The following SNX29 variants were observed in gnomAD, a reference collection of about 807,000 sequenced individuals.
The protein encoded by SNX29 is sorting nexin 29, also known as sorting nexin-29.
A neutral mutation model predicts 102.1 loss-of-function variants in SNX29; 78 were observed. The ratio of observed to expected loss-of-function variants is 0.76; its 90% CI spans 0.64 to 0.92. The LOEUF (loss-of-function observed/expected upper bound fraction) is 0.92, where lower values mean the gene tolerates loss of function less well. SNX29 is among the 40% of genes least tolerant of loss of function. The probability of loss-of-function intolerance (pLI) is 0.00; values close to 1 mark genes in which losing one functional copy is unlikely to be tolerated. For missense variants in SNX29, 1,280 were observed against 1,061.7 expected (o/e 1.21, Z -2.86); for synonymous variants, 580 against 414.5 (o/e 1.40, Z -4.85).
intron 3 of SNX29, among the ~76,000 whole-genome samples, chr16:12,019,637 ATTT>A (rs879261297): frequency 7.3e-6 from 1 of 136,862 alleles, no homozygotes; most frequent in Non-Finnish European, 1.6e-5. Flanking sequence ...TAGATATATA[ATTT>A]TTTTTTTTTT....
chr16:12,047,738 A>G (rs1459729621), intron 6 of SNX29, among the ~76,000 whole-genome samples: 2 of 149,762 alleles, frequency 1.3e-5, no homozygotes, highest in Non-Finnish European at 1.5e-5. Flanking sequence ...GCTCACCACA[A>G]CCTCTGCCTC....
chr16:12,539,802 C>T (rs926672669), intron 20 of SNX29, among the ~76,000 whole-genome samples: 11 of 152,194 alleles, frequency 7.2e-5, no homozygotes, highest in Admixed American at 4.6e-4. Context: ...AGCATATTTT[C>T]ATGTGGATGT....
chr16:12,252,589 A>T (rs1289146485), intron 14 of SNX29, among the ~76,000 whole-genome samples: 2 of 152,218 alleles, frequency 1.3e-5, no homozygotes, highest in Non-Finnish European at 2.9e-5. Context: ...TGCCTCCCTG[A>T]ACGTGTGTGC....
At chr16:12,348,501 A>C (rs1054042828) in intron 15 of SNX29, among the ~76,000 whole-genome samples, 2 of 152,118 alleles carry the variant, frequency 1.3e-5, no homozygotes, top group Non-Finnish European at 2.9e-5. Flanking sequence ...GATGGCAGCC[A>C]TTCACTGTGG....
chr16:12,350,944 C>G (rs1428689610), intron 15 of SNX29, among the ~76,000 whole-genome samples: 1 of 152,198 alleles, frequency 6.6e-6, no homozygotes, highest in Non-Finnish European at 1.5e-5. Context: ...TCCCTCTACT[C>G]TGCAGTACAA....
At chr16:12,017,821 G>A (rs1320471912) in intron 3 of SNX29, among the ~76,000 whole-genome samples, 3 of 151,794 alleles carry the variant, frequency 2.0e-5, no homozygotes, top group African/African-American at 7.3e-5. Flanking sequence ...AGCCCATTCT[G>A]CCCATCTGAC....
chr16:12,431,483 T>C (rs544646521), intron 18 of SNX29, among the ~76,000 whole-genome samples: 5 of 151,756 alleles, frequency 3.3e-5, no homozygotes, highest in Admixed American at 6.6e-5. Flanking sequence ...ATTGAAGTTA[T>C]TGATCCACAG....
intron 19 of SNX29, among the ~76,000 whole-genome samples, chr16:12,496,116 G>T (rs1382062907): frequency 1.3e-5 from 2 of 152,220 alleles, no homozygotes; most frequent in African/African-American, 4.8e-5. Context: ...CAGCAGACAT[G>T]GAGACGTGGA....
intron 16 of SNX29, among the ~76,000 whole-genome samples, chr16:12,390,640 C>T (rs1010403643): frequency 3.3e-5 from 5 of 152,160 alleles, no homozygotes; most frequent in Admixed American, 6.5e-5. Flanking sequence ...TGCCAAACCC[C>T]AAAACCACCA....
At chr16:12,548,803 T>G in intron 20 of SNX29, among the ~76,000 whole-genome samples, 1 of 151,876 alleles carries the variant, frequency 6.6e-6, no homozygotes. Flanking sequence ...ATAGCTGGGC[T>G]GTTGTTTTCC....
intron 14 of SNX29, among the ~76,000 whole-genome samples, chr16:12,250,625 T>C (rs1446040185): frequency 6.6e-6 from 1 of 152,198 alleles, no homozygotes; most frequent in South Asian, 2.1e-4. Context: ...AAGGCTATTA[T>C]TTGTTTCCAT....
At chr16:11,980,168 C>G (rs1480564917) in intron 1 of SNX29, among the ~76,000 whole-genome samples, 1 of 152,142 alleles carries the variant, frequency 6.6e-6, no homozygotes, top group South Asian at 2.1e-4. Context: ...AGTCATTCAT[C>G]TTTCCCCCTC....
At chr16:12,217,791 T>C (rs975592968) in intron 14 of SNX29, among the ~76,000 whole-genome samples, 3 of 152,232 alleles carry the variant, frequency 2.0e-5, no homozygotes, top group African/African-American at 7.2e-5. Flanking sequence ...GGTCTAAATC[T>C]TGGCTTCATG....
At chr16:12,353,271 C>T (rs2082040459) in intron 15 of SNX29, among the ~76,000 whole-genome samples, 2 of 152,198 alleles carry the variant, frequency 1.3e-5, no homozygotes, top group African/African-American at 4.8e-5. Context: ...CTTGGTGTGG[C>T]ACATCATGGC....
intron 1 of SNX29, 57 bp downstream of exon 1, chr16:11,976,870 C>T (rs2150952645): frequency 7.6e-7 from 1 of 1,317,112 alleles, no homozygotes; most frequent in Middle Eastern, 2.9e-4. Flanking sequence ...CCCGCCGCTC[C>T]AGCTGCACAC....
chr16:12,298,667 C>T (rs1293928388), intron 15 of SNX29, among the ~76,000 whole-genome samples: 1 of 152,178 alleles, frequency 6.6e-6, no homozygotes, highest in Non-Finnish European at 1.5e-5. Context: ...TACTCTCTTA[C>T]TTTCCTCTCT....
intron 19 of SNX29, among the ~76,000 whole-genome samples, chr16:12,509,803 CAT>C (rs2089530018): frequency 6.6e-6 from 1 of 152,230 alleles, no homozygotes; most frequent in South Asian, 2.1e-4. Context: ...CATTCCGCCA[CAT>C]GAGTGAATGC....
At chr16:11,998,054 GGTT>G (rs1191766201) in intron 1 of SNX29, among the ~76,000 whole-genome samples, 1 of 152,282 alleles carries the variant, frequency 6.6e-6, no homozygotes, top group East Asian at 1.9e-4. Context: ...ACACGGTGGT[GGTT>G]GTTATCAACC....
chr16:11,983,182 T>A (rs393276), intron 1 of SNX29, among the ~76,000 whole-genome samples: 1 of 151,364 alleles, frequency 6.6e-6, no homozygotes, highest in Admixed American at 6.6e-5. Flanking sequence ...CCACCTGCCT[T>A]GGCCTCCCAA....
Sources: gnomAD v4.1 joint callset for allele counts (sites outside exome capture counted in the v4.1 genomes callset) on GRCh38, gnomAD v4.1.1 for gene constraint, MANE v1.5 for transcripts, NCBI Gene and HGNC (gene_info 2026-07-23, HGNC 2026-07-21) for gene names.